Variants in RORA observed in about 807,000 individuals in gnomAD.
The protein encoded by RORA is nuclear receptor ROR-alpha.
In RORA, 7 loss-of-function variants were observed where a neutral mutation model predicts 69.5. The observed-to-expected ratio is 0.10, with a 90% CI of 0.06 to 0.19. The LOEUF is 0.19. Ranked by LOEUF, RORA falls within the 10% of genes least tolerant of loss-of-function variation. RORA has a pLI of 1.00. For synonymous variants in RORA, 261 were observed against 240.8 expected (o/e 1.08, Z -0.78); for missense variants, 457 against 663.0 (o/e 0.69, Z 3.41).
At chr15:60,793,944 CCTGACTCAGACAGTGCACTCTAGAACGG>C (rs1376273810) in intron 1 of RORA, among the ~76,000 whole-genome samples, 1 of 152,166 alleles carries the variant, frequency 6.6e-6, no homozygotes, top group East Asian at 1.9e-4. Flanking sequence ...GTGGGAAGTT[CCTGACTCAGACAGTGCACTCTAGAACGG>C]GTTCTTTGAG....
intron 1 of RORA, among the ~76,000 whole-genome samples, chr15:60,990,593 T>C (rs1299808182): frequency 1.3e-5 from 2 of 152,188 alleles, no homozygotes; most frequent in African/African-American, 4.8e-5. Context: ...CAGCAGATCC[T>C]GGAAGAACTT....
At chr15:60,908,475 T>C (rs1427981005) in intron 1 of RORA, among the ~76,000 whole-genome samples, 1 of 152,152 alleles carries the variant, frequency 6.6e-6, no homozygotes, top group Admixed American at 6.5e-5. Context: ...ATACCAAATT[T>C]TCAAATCTGT....
intron 1 of RORA, among the ~76,000 whole-genome samples, chr15:60,777,790 A>G (rs577599452): frequency 1.4e-4 from 21 of 152,324 alleles, no homozygotes; most frequent in African/African-American, 4.8e-4. Context: ...TCGGCAGCAC[A>G]GGGAATGAGT....
At chr15:60,588,934 T>C (rs2068418300) in intron 2 of RORA, among the ~76,000 whole-genome samples, 1 of 152,208 alleles carries the variant, frequency 6.6e-6, no homozygotes, top group Admixed American at 6.5e-5. Flanking sequence ...AAATACTCTC[T>C]ACTTCATGGA....
Position 60,755,605 on chromosome 15 carries a change from T to G in RORA, c.167-76919A>C, listed in dbSNP as rs557611591. Among the ~76,000 whole-genome samples the G allele has an allele frequency of 7.9e-5, 12 of 152,218 alleles. No individual in the cohort carries two copies. In the East Asian group the frequency reaches 2.1e-3, roughly 27 times the overall value. On this transcript the variant is annotated intron_variant, in intron 1 of 10. Coordinates refer to ENST00000335670, the MANE Select transcript of RORA (RefSeq NM_134261.3). ...AACTAGTTTACAGTCCCACCAACAG[T>G]GTAAAAGTGTTCCTATTTCTCCACA...
intron 1 of RORA, among the ~76,000 whole-genome samples, chr15:61,060,661 G>T (rs558105585): frequency 2.3e-4 from 35 of 152,238 alleles, no homozygotes; most frequent in African/African-American, 7.9e-4. Context: ...AGGCAGTTTG[G>T]GATGCGCTTC....
intron 2 of RORA, among the ~76,000 whole-genome samples, chr15:60,540,896 A>G (rs2066851942): frequency 1.3e-5 from 2 of 152,220 alleles, no homozygotes; most frequent in Non-Finnish European, 2.9e-5. Flanking sequence ...TAGTCACAGG[A>G]ACATGGTGTC....
intron 1 of RORA, among the ~76,000 whole-genome samples, chr15:60,807,626 T>G (rs2072678191): frequency 6.6e-6 from 1 of 152,154 alleles, no homozygotes; most frequent in Admixed American, 6.5e-5. Flanking sequence ...AAAGCAAGCC[T>G]AAGCAAAAAG....
chr15:60,503,191 G>A (rs992768363), intron 7 of RORA, among the ~76,000 whole-genome samples: 2 of 152,128 alleles, frequency 1.3e-5, no homozygotes, highest in African/African-American at 4.8e-5. Context: ...CTAAAACCAA[G>A]AATCAAAAAC....
intron 1 of RORA, among the ~76,000 whole-genome samples, chr15:60,800,938 G>A (rs2072570902): frequency 6.6e-6 from 1 of 152,220 alleles, no homozygotes; most frequent in Admixed American, 6.5e-5. Flanking sequence ...GCCACGTTGA[G>A]CCTGCATTCC....
intron 1 of RORA, among the ~76,000 whole-genome samples, chr15:61,000,002 G>A (rs541831660): frequency 6.6e-6 from 1 of 152,198 alleles, no homozygotes; most frequent in South Asian, 2.1e-4. Flanking sequence ...GATTGCAAGG[G>A]GGACTTCCTG....
chr15:60,503,770 G>T, intron 6 of RORA, 103 bp from the exon 7 acceptor site: 1 of 1,392,432 alleles, frequency 7.2e-7, no homozygotes, highest in East Asian at 2.4e-5. Flanking sequence ...CTTTAGCCCT[G>T]GGCCACGAAG....
chr15:61,085,433 A>G (rs1490241179), intron 1 of RORA, among the ~76,000 whole-genome samples: 3 of 152,238 alleles, frequency 2.0e-5, no homozygotes, highest in Admixed American at 1.3e-4. Flanking sequence ...TGATGAATCA[A>G]GCGGTACTTC....
intron 5 of RORA, among the ~76,000 whole-genome samples, chr15:60,506,631 C>T (rs1206426112): frequency 1.3e-5 from 2 of 151,846 alleles, no homozygotes; most frequent in Admixed American, 1.3e-4. Context: ...GCTGGGCAGA[C>T]CACTTGAGGT....
rs1354998632 is a variant in RORA at position 61,059,905 on chromosome 15, CACG to C, written c.166+169145_166+169147del. The stretch of plus-strand genomic sequence containing the variant: ...TAAAGGATGAATTAAAACAGTTCCA[CACG>C]AAGAAGAAGAAGAAGAAGAAGAAGA... On this transcript the variant is annotated intron_variant, in intron 1 of 10. Coordinates refer to ENST00000335670, the MANE Select transcript of RORA (RefSeq NM_134261.3). Among the ~76,000 whole-genome samples, 38 of 78,586 alleles carry C rather than the reference CACG, an allele frequency of 4.8e-4. 1 individual carries two copies. Among genetic ancestry groups the C allele is most frequent in the African/African-American group, 1.9e-3 (31 of 16,566 alleles). The allele number at this position is 78,586 out of a possible 152,430, so 51.6% of individuals were successfully genotyped here.
chr15:60,742,928 T>C (rs187585385), intron 1 of RORA, among the ~76,000 whole-genome samples: 1 of 152,230 alleles, frequency 6.6e-6, no homozygotes, highest in East Asian at 1.9e-4. Flanking sequence ...ATCTTGACTA[T>C]TGTGAATAAT....
chr15:60,639,343 A>G (rs1029248050), intron 2 of RORA, among the ~76,000 whole-genome samples: 1 of 149,768 alleles, frequency 6.7e-6, no homozygotes, highest in Non-Finnish European at 1.5e-5. Context: ...TTTCATGCTT[A>G]TTTTCCCTTC....
At chr15:60,624,188 T>C (rs1191296920) in intron 2 of RORA, among the ~76,000 whole-genome samples, 1 of 152,048 alleles carries the variant, frequency 6.6e-6, no homozygotes, top group Non-Finnish European at 1.5e-5. Flanking sequence ...AGATCTGAAT[T>C]AGGGTTTTTA....
intron 1 of RORA, among the ~76,000 whole-genome samples, chr15:60,902,922 C>G (rs1430369681): frequency 1.3e-5 from 2 of 152,224 alleles, no homozygotes; most frequent in Non-Finnish European, 2.9e-5. Context: ...TTTATAAATG[C>G]TCACGTTTAT....
Sources: allele counts gnomAD v4.1 joint callset (sites outside exome capture counted in the v4.1 genomes callset), GRCh38; gene constraint gnomAD v4.1.1; transcripts MANE v1.5; gene names NCBI Gene and HGNC (gene_info 2026-07-23, HGNC 2026-07-21).